The following GRK5 variants were observed in gnomAD, a reference collection of about 807,000 sequenced individuals.
GRK5 encodes g protein-coupled receptor kinase GRK5.
In GRK5, 40 loss-of-function variants were observed where a neutral mutation model predicts 78.4. The observed-to-expected ratio is 0.51, with a 90% CI of 0.40 to 0.66. The LOEUF (loss-of-function observed/expected upper bound fraction) is 0.66. GRK5 is among the 30% of genes least tolerant of loss of function. The pLI is 0.00. For synonymous variants in GRK5, 289 were observed against 296.8 expected, an observed-to-expected ratio of 0.97 and a Z score of 0.27; for missense variants, 598 against 759.9, an observed-to-expected ratio of 0.79 and a Z score of 2.50.
At chr10:119,213,331 T>C (rs746047267) in intron 1 of GRK5, among the ~76,000 whole-genome samples, 99 of 152,166 alleles carry the variant, frequency 6.5e-4, no homozygotes, top group Non-Finnish European at 1.1e-3. Flanking sequence ...GCCAACATGG[T>C]GAAATCCTGT....
chr10:119,337,194 T>A (rs1460524779), intron 2 of GRK5, among the ~76,000 whole-genome samples: 1 of 152,158 alleles, frequency 6.6e-6, no homozygotes, highest in Non-Finnish European at 1.5e-5. Context: ...AGGGCTAAAT[T>A]TGAGTTTGAA....
chr10:119,305,162 C>A (rs1850252812), intron 1 of GRK5, among the ~76,000 whole-genome samples: 1 of 152,160 alleles, frequency 6.6e-6, no homozygotes. Flanking sequence ...GAGCCTCTGA[C>A]CTTCCACCTC....
intron 1 of GRK5, among the ~76,000 whole-genome samples, chr10:119,220,456 C>T (rs1848639451): frequency 6.6e-6 from 1 of 152,170 alleles, no homozygotes; most frequent in Non-Finnish European, 1.5e-5. Context: ...TTCAGGTGCA[C>T]CTCTTAGTTT....
At chr10:119,403,790 T>A (rs1321967705) in intron 4 of GRK5, among the ~76,000 whole-genome samples, 5 of 152,124 alleles carry the variant, frequency 3.3e-5, no homozygotes, top group Non-Finnish European at 7.3e-5. Context: ...CCCATCACCA[T>A]GCCTGGCTAA....
rs1180308363 is a variant in GRK5 at position 119,217,280 on chromosome 10, A to G, written c.52+9311A>G. 2.0e-5 allele frequency among the ~76,000 whole-genome samples: 3 copies of G among 152,242 alleles called. No individual in the cohort carries two copies. Among genetic ancestry groups the G allele is most frequent in the African/African-American group, 4.8e-5 (2 of 41,460 alleles). ...AGGGCCAGTTTGAGAGCAGTTGGGT[A>G]AATTAATTCCTACTAGGTTGTAAAT... On this transcript the variant is annotated intron_variant, in intron 1 of 15. Transcript: ENST00000392870. The surrounding 1 kb of genome is among the most constrained non-coding windows in gnomAD (Gnocchi z 4.1).
At chr10:119,375,296 C>T (rs1851605874) in intron 2 of GRK5, among the ~76,000 whole-genome samples, 1 of 152,206 alleles carries the variant, frequency 6.6e-6, no homozygotes, top group African/African-American at 2.4e-5. Context: ...CCTTGCCCCT[C>T]CTCCCAGCCT....
intron 2 of GRK5, among the ~76,000 whole-genome samples, chr10:119,372,779 G>A (rs532744716): frequency 6.6e-6 from 1 of 151,876 alleles, no homozygotes; most frequent in East Asian, 1.9e-4. Context: ...TTCAAATAAA[G>A]AAAAAGTAAC....
intron 1 of GRK5, among the ~76,000 whole-genome samples, chr10:119,243,374 T>C (rs1163131972): frequency 6.6e-6 from 1 of 152,188 alleles, no homozygotes; most frequent in Non-Finnish European, 1.5e-5. Context: ...TGAAAAATAA[T>C]ATATAAACTC....
Position 119,445,025 on chromosome 10 carries a change from A to T in GRK5, c.1266+1273A>T, listed in dbSNP as rs925166364. Among the ~76,000 whole-genome samples the T allele has an allele frequency of 6.6e-6, 1 of 152,018 alleles. No homozygotes were observed. The highest frequency in any genetic ancestry group is 2.1e-4 in the South Asian group (1 of 4,822). ...TCTGCTTGGCCCCTTCCTGTCACCAACCTCATCCTCACATCACAGAGCTGT... is the reference window on the plus strand; with the variant it reads ...TCTGCTTGGCCCCTTCCTGTCACCATCCTCATCCTCACATCACAGAGCTGT... On this transcript the variant is annotated intron_variant, in intron 12 of 15. Transcript: ENST00000392870. The surrounding 1 kb of genome is among the most constrained non-coding windows in gnomAD (Gnocchi z 4.1).
chr10:119,453,709 A>G (rs1853342110), intron 15 of GRK5, among the ~76,000 whole-genome samples: 1 of 152,202 alleles, frequency 6.6e-6, no homozygotes, highest in Admixed American at 6.5e-5. Context: ...ATTGAGAGCC[A>G]CTGCCCTCTC....
At chr10:119,384,667 GC>G (rs1851763648) in intron 3 of GRK5, among the ~76,000 whole-genome samples, 1 of 151,886 alleles carries the variant, frequency 6.6e-6, no homozygotes, top group Non-Finnish European at 1.5e-5. Context: ...TGAATCCTCA[GC>G]CCACAGTGCC....
intron 4 of GRK5, among the ~76,000 whole-genome samples, chr10:119,406,989 G>A (rs554895796): frequency 2.0e-5 from 3 of 152,324 alleles, no homozygotes; most frequent in Admixed American, 2.0e-4. Context: ...AACAAGAAGT[G>A]GAGGCTCACT....
chr10:119,330,573 G>A (rs768813862), intron 2 of GRK5, among the ~76,000 whole-genome samples: 2 of 152,128 alleles, frequency 1.3e-5, no homozygotes, highest in Non-Finnish European at 2.9e-5. Context: ...CCATAGTCTA[G>A]GACTAGGTTC....
chr10:119,428,647 G>A (rs1420878811), intron 6 of GRK5, among the ~76,000 whole-genome samples: 2 of 152,164 alleles, frequency 1.3e-5, no homozygotes, highest in Non-Finnish European at 2.9e-5. Flanking sequence ...AGCCTTTGTC[G>A]GTGGTCACTG....
rs201904372 is a variant in GRK5 at position 119,394,804 on chromosome 10, G to T, written c.262-1891G>T. Among the ~76,000 whole-genome samples, 166 of 117,452 alleles carry T rather than the reference G, an allele frequency of 1.4e-3. 1 individual carries two copies. The highest frequency in any genetic ancestry group is 5.4e-3 in the African/African-American group (148 of 27,252). 77.1% of individuals were successfully genotyped at this position (117,452 alleles called of 152,430 possible). ...GGGCACGTGTATGTTTGGGTGTGTG[G>T]GTGTGTGTGTGGGTGTGTGTATCTG... On this transcript the variant is annotated intron_variant, in intron 3 of 15. Transcript: ENST00000392870.
rs550188200 is a variant in GRK5 at position 119,372,052 on chromosome 10, C to T, written c.149-8763C>T. ...TGCATTGTGGGGTATTTAGCACATCCCTGGCCTCCACCCACTAATCAGTAG... is the reference window on the plus strand; with the variant it reads ...TGCATTGTGGGGTATTTAGCACATCTCTGGCCTCCACCCACTAATCAGTAG... On this transcript the variant is annotated intron_variant, in intron 2 of 15. Coordinates refer to ENST00000392870, the MANE Select transcript of GRK5 (RefSeq NM_005308.3). Among the ~76,000 whole-genome samples, 3 of 152,284 alleles carry T rather than the reference C, an allele frequency of 2.0e-5. No homozygotes were observed. The East Asian group carries it at 5.8e-4, about 29-fold the overall frequency.
chr10:119,409,706 T>G (rs550978270), intron 4 of GRK5, among the ~76,000 whole-genome samples: 2 of 111,402 alleles, frequency 1.8e-5, no homozygotes, highest in African/African-American at 5.5e-5. Flanking sequence ...AGGAGATTCC[T>G]GCCCCCTGCC....
In GRK5 at chr10:119,453,344, C is replaced by T. The variant is rs183800862; in HGVS notation, c.1674+68C>T. ...ACCCCTGGCTCACTTCCATGGGAAA[C>T]GAGAAGACCCACAGTAGAGACCCTT... On this transcript the variant is annotated intron_variant, in intron 15 of 15. Coordinates refer to ENST00000392870, the MANE Select transcript of GRK5 (RefSeq NM_005308.3). 1,968 of 1,573,336 alleles carry T rather than the reference C, an allele frequency of 1.3e-3. 4 individuals are homozygous for T. Among genetic ancestry groups the T allele is most frequent in the Non-Finnish European group, 1.6e-3 (1,824 of 1,148,908 alleles).
At chr10:119,390,329 A>G (rs1404800663) in intron 3 of GRK5, among the ~76,000 whole-genome samples, 1 of 152,182 alleles carries the variant, frequency 6.6e-6, no homozygotes, top group Non-Finnish European at 1.5e-5. Flanking sequence ...GGAAGGTGAA[A>G]GGCACGTCTC....
Sources: allele counts gnomAD v4.1 joint callset (sites outside exome capture counted in the v4.1 genomes callset), GRCh38; gene constraint gnomAD v4.1.1; non-coding constraint Gnocchi (gnomAD v3.1); transcripts MANE v1.5; gene names NCBI Gene and HGNC (gene_info 2026-07-23, HGNC 2026-07-21).